ALB: variants seen among roughly 807,000 people sequenced by gnomAD.
The protein encoded by ALB is albumin.
ALB carries 37 observed loss-of-function variants against 74.5 expected under a neutral mutation model. The observed-to-expected ratio is 0.50, with a 90% CI of 0.38 to 0.65. The LOEUF is 0.65. ALB is among the 30% of genes least tolerant of loss of function. The pLI is 0.00. For synonymous variants in ALB, 249 were observed against 251.6 expected (o/e 0.99, Z 0.10); for missense variants, 685 against 718.7 (o/e 0.95, Z 0.54).
chr4:73,409,368 A>T lies in ALB; in HGVS notation c.496A>T (p.Ile166Phe). The T allele has an allele frequency of 6.2e-7, 1 of 1,613,822 alleles. No individual in the cohort carries two copies. The highest frequency in any genetic ancestry group is 8.5e-7 in the Non-Finnish European group (1 of 1,179,768). The change falls in exon 5 of 15, where the codon ATT (isoleucine) becomes TTT (phenylalanine). Residue 166 changes from isoleucine (I) to phenylalanine (F), a missense_variant. Physicochemically the swap from Ile to Phe is conservative, Grantham distance 21. Coordinates refer to ENST00000295897, the MANE Select transcript of ALB (RefSeq NM_000477.7). Reference sequence around the variant, plus strand: ...TTCAAAATTTAGATACTTATATGAAATTGCCAGAAGACATCCTTACTTTTA... The same window carrying T: ...TTCAAAATTTAGATACTTATATGAATTTGCCAGAAGACATCCTTACTTTTA... ...ETFLKKYLYE[I>F]ARRHPYFYAP...
At chr4:73,407,940 G>C (rs901467943) in intron 3 of ALB, among the ~76,000 whole-genome samples, 5 of 151,932 alleles carry the variant, frequency 3.3e-5, no homozygotes, top group African/African-American at 9.7e-5. Context: ...ACAATACTAT[G>C]GCTCTACATA....
chr4:73,412,301 G>A, intron 7 of ALB, 176 bp downstream of exon 7: 1 of 764,852 alleles, frequency 1.3e-6, no homozygotes. Context: ...TTTTTAACCT[G>A]GCTATAAATT....
chr4:73,413,954 T>G (rs1718946496), intron 8 of ALB, among the ~76,000 whole-genome samples: 1 of 152,242 alleles, frequency 6.6e-6, no homozygotes, highest in Non-Finnish European at 1.5e-5. Context: ...CTTGAACATC[T>G]ATAATATATG....
chr4:73,408,715 A>G lies in ALB; in HGVS notation c.392A>G (p.Asp131Gly). The change falls in exon 4 of 15, where the codon GAT becomes GGT. Residue 131 changes from aspartate to glycine, a missense_variant. Physicochemically the swap from Asp to Gly is moderately conservative, Grantham distance 94 (BLOSUM62 -1). Coordinates refer to ENST00000295897, the MANE Select transcript of ALB (RefSeq NM_000477.7). The part of the protein sequence containing the change: ...ERNECFLQHK[D>G]DNPNLPRLVR... ...AATGAATGCTTCTTGCAACACAAAG[A>G]TGACAACCCAAACCTCCCCCGATTG... is the stretch of plus-strand genomic sequence containing the variant. 1 of 1,614,096 alleles carries G rather than the reference A, an allele frequency of 6.2e-7. No individual in the cohort carries two copies. Among genetic ancestry groups the G allele is most frequent in the Non-Finnish European group, 8.5e-7 (1 of 1,179,946 alleles).
intron 3 of ALB, 89 bp from the exon 4 acceptor site, chr4:73,408,505 A>C (rs1718788764): frequency 2.6e-6 from 3 of 1,167,414 alleles, no homozygotes; most frequent in Admixed American, 1.9e-5. Context: ...GACCAAGCTT[A>C]ACCAGTATAT....
rs1718733892 is a variant in ALB at position 73,406,534 on chromosome 4, G to A, written c.138-95G>A. 8 of 1,193,978 alleles carry A rather than the reference G, an allele frequency of 6.7e-6. No homozygotes were observed. The East Asian group carries it at 1.9e-4, about 29-fold the overall frequency. The allele number at this position is 1,193,978 out of a possible 1,614,324, so 74.0% of individuals were successfully genotyped here. A position where few individuals can be genotyped will look rare whatever the true frequency, so the allele number is the denominator to read the frequency against. ...TGGTGAAGAAGATGTATAAAAGATA[G>A]AACCTATACCCATACATGATTTGTT... is the stretch of plus-strand genomic sequence containing the variant. On this transcript the variant is annotated intron_variant, in intron 2 of 14. Transcript: ENST00000295897.
At chr4:73,406,527 A>G in intron 2 of ALB, 102 bp from the exon 3 acceptor site, 1 of 1,143,346 alleles carries the variant, frequency 8.7e-7, no homozygotes, top group Non-Finnish European at 1.3e-6. Context: ...AAGATGTATA[A>G]AAGATAGAAC....
Position 73,413,661 on chromosome 4 carries a change from A to T in ALB, c.1058+27A>T. Reference sequence around the variant, plus strand: ...TAAGTAGATAAGAAATTATTCTTTTATAGCTTTGGCATGACCTCACAACTT... The same window carrying T: ...TAAGTAGATAAGAAATTATTCTTTTTTAGCTTTGGCATGACCTCACAACTT... On this transcript the variant is annotated intron_variant, in intron 8 of 14. Coordinates refer to ENST00000295897, the MANE Select transcript of ALB (RefSeq NM_000477.7). 1.9e-6 allele frequency: 3 copies of T among 1,609,568 alleles called. No homozygotes were observed. In the African/African-American group the frequency reaches 4.0e-5, roughly 21 times the overall value.
rs771697161 is a variant in ALB, at chr4:73,419,514, G to C, written c.1660G>C (p.Val554Leu). 4.3e-6 allele frequency: 7 copies of C among 1,609,854 alleles called. No individual in the cohort carries two copies. Among genetic ancestry groups the C allele is most frequent in the Non-Finnish European group, 5.9e-6 (7 of 1,178,604 alleles). Residue 554 changes from valine to leucine, a missense_variant, in exon 13 of 15, where the codon GTT becomes CTT. Coordinates refer to ENST00000295897, the MANE Select transcript of ALB (RefSeq NM_000477.7). ...ERQIKKQTALVELVKHKPKAT... is the reference protein window; with the variant it reads ...ERQIKKQTALLELVKHKPKAT... Reference sequence around the variant, plus strand: ...TTTTCCATTCAAACTCAGTGCACTTGTTGAGCTCGTGAAACACAAGCCCAA... The same window carrying C: ...TTTTCCATTCAAACTCAGTGCACTTCTTGAGCTCGTGAAACACAAGCCCAA...
At chr4:73,417,781 G>C in intron 11 of ALB, 112 bp downstream of exon 11, 1 of 986,636 alleles carries the variant, frequency 1.0e-6, no homozygotes, top group Non-Finnish European at 1.5e-6. Context: ...GTGCATGTTT[G>C]TGTGCATGTG....
At chr4:73,413,204 C>A in intron 7 of ALB, 1 of 564,102 alleles carries the variant, frequency 1.8e-6, no homozygotes, top group Non-Finnish European at 3.2e-6. Flanking sequence ...CTGAGCTGAG[C>A]ACCTGCTACT....
In ALB at chr4:73,410,116, G is replaced by A. The variant is rs1344875329; in HGVS notation, c.616-196G>A. 3.9e-5 allele frequency among the ~76,000 whole-genome samples: 6 copies of A among 152,082 alleles called. No homozygotes were observed. In the East Asian group the frequency reaches 7.7e-4, roughly 20 times the overall value. ...GGTTTCTAACTACATAGGGAATTCC[G>A]CTGTGACCAGAATGATCGAATGATC... On this transcript the variant is annotated intron_variant, in intron 5 of 14. Transcript: ENST00000295897.
intron 8 of ALB, 62 bp from the exon 9 acceptor site, chr4:73,414,973 C>T (rs753523321): frequency 8.1e-5 from 128 of 1,585,166 alleles, no homozygotes; most frequent in Non-Finnish European, 1.0e-4. Context: ...TTGAGATTAG[C>T]TTTGTGATAT....
chr4:73,406,536 AC>A, intron 2 of ALB, 92 bp from the exon 3 acceptor site: 1 of 1,200,056 alleles, frequency 8.3e-7, no homozygotes, highest in Non-Finnish European at 1.2e-6. Context: ...AAAAGATAGA[AC>A]CTATACCCAT....
chr4:73,415,255 A>G, intron 9 of ALB, 88 bp downstream of exon 9: 1 of 1,457,088 alleles, frequency 6.9e-7, no homozygotes, highest in Non-Finnish European at 9.6e-7. Context: ...GTAAAATGAT[A>G]TACAGTGCAA....
Position 73,415,115 on chromosome 4 carries a change from C to T in ALB, c.1139C>T (p.Thr380Ile), listed in dbSNP as rs1718980918. The change falls in exon 9 of 15, where the codon ACT becomes ATT. Residue 380 changes from threonine (T) to isoleucine (I), a missense_variant. By Grantham distance (89) the Thr-to-Ile change is moderately conservative. Transcript: ENST00000295897. ...LLRLAKTYET[T>I]LEKCCAAADP... ...AGACTTGCCAAGACATATGAAACCA[C>T]TCTAGAGAAGTGCTGTGCCGCTGCA... is the stretch of plus-strand genomic sequence containing the variant. 1.6e-5 allele frequency: 26 copies of T among 1,614,154 alleles called. No individual in the cohort carries two copies. Among genetic ancestry groups the T allele is most frequent in the Non-Finnish European group, 2.2e-5 (26 of 1,180,030 alleles).
At position 73,409,351 on chromosome 4, in the gene ALB, T is replaced by C; in HGVS notation, c.483-4T>C. 6.2e-7 allele frequency: 1 copy of C among 1,613,326 alleles called. No individual in the cohort carries two copies. Among genetic ancestry groups the C allele is most frequent in the Non-Finnish European group, 8.5e-7 (1 of 1,179,442 alleles). ...AGTGACTGTTTTTCTTTTTCAAAAT[T>C]TAGATACTTATATGAAATTGCCAGA... On this transcript the variant is annotated splice_polypyrimidine_tract_variant and splice_region_variant and intron_variant, in intron 4 of 14. Coordinates refer to ENST00000295897, the MANE Select transcript of ALB (RefSeq NM_000477.7).
At chr4:73,406,252 C>CT (rs1015417165) in intron 2 of ALB, among the ~76,000 whole-genome samples, 10 of 152,020 alleles carry the variant, frequency 6.6e-5, no homozygotes, top group African/African-American at 2.4e-4. Context: ...GAGTGAGACT[C>CT]TGTCTCAAAA....
At position 73,416,230 on chromosome 4, in the gene ALB, A is replaced by G. The variant is rs572289548; in HGVS notation, c.1192-26A>G. 1.1e-5 allele frequency: 18 copies of G among 1,587,716 alleles called. 1 individual carries two copies. In the Admixed American group the frequency reaches 1.8e-4, roughly 16 times the overall value. On this transcript the variant is annotated intron_variant, in intron 9 of 14. Transcript: ENST00000295897. ...GCATCTGATCCTGAGGCATAATACTATTAACACAATTCTTTTATGTTTCAG... is the reference window on the plus strand; with the variant it reads ...GCATCTGATCCTGAGGCATAATACTGTTAACACAATTCTTTTATGTTTCAG...
Sources: allele counts gnomAD v4.1 joint callset (sites outside exome capture counted in the v4.1 genomes callset), GRCh38; gene constraint gnomAD v4.1.1; transcripts MANE v1.5; gene names NCBI Gene and HGNC (gene_info 2026-07-23, HGNC 2026-07-21).